The following TMEM63C variants were observed in gnomAD, a reference collection of about 807,000 sequenced individuals.
TMEM63C encodes transmembrane protein 63C, also known as osmosensitive cation channel TMEM63C.
Under a neutral mutation model 99.2 loss-of-function variants are expected in TMEM63C, and 32 were observed. The ratio of observed to expected loss-of-function variants is 0.32; its 90% CI spans 0.24 to 0.43. TMEM63C has a LOEUF of 0.43. Ranked by LOEUF, TMEM63C falls within the 20% of genes least tolerant of loss-of-function variation. TMEM63C has a pLI of 1.00. For synonymous variants in TMEM63C, 376 were observed against 397.9 expected, an observed-to-expected ratio of 0.94 and a Z score of 0.66; for missense variants, 826 against 1,053.0, an observed-to-expected ratio of 0.78 and a Z score of 2.98.
chr14:77,233,359 C>T (rs1485387767), intron 7 of TMEM63C, 93 bp from the exon 8 acceptor site: 4 of 1,337,092 alleles, frequency 3.0e-6, no homozygotes, highest in Non-Finnish European at 4.2e-6. Flanking sequence ...CAAGCATCTC[C>T]AGACCCCACG....
chr14:77,197,610 T>C (rs888596902), intron 1 of TMEM63C, among the ~76,000 whole-genome samples: 1 of 152,206 alleles, frequency 6.6e-6, no homozygotes, highest in Non-Finnish European at 1.5e-5. Context: ...GCTTAACACA[T>C]TAGATCCGAT....
At chr14:77,245,075 A>G (rs771654014) in intron 16 of TMEM63C, among the ~76,000 whole-genome samples, 1 of 152,252 alleles carries the variant, frequency 6.6e-6, no homozygotes, top group African/African-American at 2.4e-5. Flanking sequence ...AGTTCCTACT[A>G]TTCCACCAGG....
Position 77,231,590 on chromosome 14 carries a change from A to G in TMEM63C, c.353A>G (p.Asp118Gly). 1 of 1,551,434 alleles carries G rather than the reference A, an allele frequency of 6.4e-7. No individual in the cohort carries two copies. Among genetic ancestry groups the G allele is most frequent in the East Asian group, 2.4e-5 (1 of 40,912 alleles). ...CCTTGTCTGTGTGTCTCTTCCAGGG[A>G]CGAGGATCTGATTAACAAGTGTGGG... is the stretch of plus-strand genomic sequence containing the variant. ...SWFFNSITMKDEDLINKCGDD... is the reference protein window; with the variant it reads ...SWFFNSITMKGEDLINKCGDD... Residue 118 changes from aspartate to glycine, a missense_variant and splice_region_variant, in exon 7 of 24, where the codon GAC becomes GGC. Transcript: ENST00000298351.
At chr14:77,232,731 A>G (rs1438464623) in intron 7 of TMEM63C, among the ~76,000 whole-genome samples, 2 of 152,242 alleles carry the variant, frequency 1.3e-5, no homozygotes, top group Non-Finnish European at 2.9e-5. Context: ...AATAGCAGCT[A>G]GTATTTCATT....
At chr14:77,220,224 G>C in intron 5 of TMEM63C, 137 bp downstream of exon 5, 1 of 781,868 alleles carries the variant, frequency 1.3e-6, no homozygotes, top group East Asian at 2.7e-5. Flanking sequence ...GTGTGACCTT[G>C]AGCAAATTCC....
chr14:77,242,604 A>G, intron 14 of TMEM63C, 135 bp downstream of exon 14: 1 of 1,250,206 alleles, frequency 8.0e-7, no homozygotes. Flanking sequence ...TCTCCTAAGC[A>G]CCACAACCTG....
At chr14:77,196,682 T>A (rs2140094316) in intron 1 of TMEM63C, among the ~76,000 whole-genome samples, 1 of 152,340 alleles carries the variant, frequency 6.6e-6, no homozygotes, top group Admixed American at 6.5e-5. Context: ...ACAGATGGTA[T>A]CTTCATAGAC....
In TMEM63C at chr14:77,253,484, G is replaced by GGAAGGAGAT. The variant is rs538116122; in HGVS notation, c.2220+110_2220+118dup. On this transcript the variant is annotated intron_variant, in intron 23 of 23. Transcript: ENST00000298351. ...GCTTTGCTGCCCACTCTGGGTATGGGGAAGGAGATGGGGGACCCCTGGGCT... is the reference window on the plus strand; with the variant it reads ...GCTTTGCTGCCCACTCTGGGTATGGGGAAGGAGATGAAGGAGATGGGGGACCCCTGGGCT... 6.5e-4 allele frequency: 742 copies of GGAAGGAGAT among 1,138,040 alleles called. 11 individuals carry two copies. In the South Asian group the frequency reaches 9.3e-3, roughly 14 times the overall value. 70.5% of individuals were successfully genotyped at this position (1,138,040 alleles called of 1,614,324 possible).
At chr14:77,250,125 G>A (rs537293884) in intron 21 of TMEM63C, among the ~76,000 whole-genome samples, 248 of 152,282 alleles carry the variant, frequency 1.6e-3, no homozygotes, top group African/African-American at 5.8e-3. Context: ...GTAAGCCGCC[G>A]GTGCCTAGTG....
intron 1 of TMEM63C, among the ~76,000 whole-genome samples, chr14:77,183,816 A>G (rs1323107701): frequency 1.3e-5 from 2 of 152,062 alleles, no homozygotes; most frequent in African/African-American, 4.8e-5. Context: ...TTCCCAGTAA[A>G]CCAGATGAGA....
At chr14:77,211,718 C>T (rs1343374933) in intron 1 of TMEM63C, among the ~76,000 whole-genome samples, 1 of 152,160 alleles carries the variant, frequency 6.6e-6, no homozygotes, top group African/African-American at 2.4e-5. Flanking sequence ...TGCCCAGTTG[C>T]CAAAGACAAC....
rs1419316582 is a variant in TMEM63C, at chr14:77,258,165, A to G, written c.*1439A>G. On this transcript the variant is annotated 3_prime_UTR_variant, in exon 24 of 24. Coordinates refer to ENST00000298351, the MANE Select transcript of TMEM63C (RefSeq NM_020431.4). ...GGCCTCAATGAACCAGAACAAGCCA[A>G]GCTGAATGGGGTCTGTGTGCTCCAG... is the stretch of plus-strand genomic sequence containing the variant. 1 of 152,536 alleles carries G rather than the reference A, an allele frequency of 6.6e-6. No individual in the cohort carries two copies. Among genetic ancestry groups the G allele is most frequent in the Non-Finnish European group, 1.5e-5 (1 of 68,296 alleles). The allele number at this position is 152,536 out of a possible 1,614,324, so 9.4% of individuals were successfully genotyped here.
At chr14:77,242,639 C>T (rs1006966934) in intron 14 of TMEM63C, among the ~76,000 whole-genome samples, 170 bp downstream of exon 14, 1 of 152,228 alleles carries the variant, frequency 6.6e-6, no homozygotes, top group African/African-American at 2.4e-5. Context: ...CTCATTCCCA[C>T]AAGTGTGGGT....
chr14:77,241,962 C>G (rs1450031909), intron 13 of TMEM63C, among the ~76,000 whole-genome samples: 1 of 152,218 alleles, frequency 6.6e-6, no homozygotes, highest in African/African-American at 2.4e-5. Flanking sequence ...GTCAAGCACA[C>G]AGAAAGAACT....
Position 77,215,614 on chromosome 14 carries a change from A to AAAAAGAAAAGAAAAGAAAAG in TMEM63C, c.-14+2125_-14+2126insGAAAAGAAAAGAAAAGAAAA, listed in dbSNP as rs59134916. The stretch of plus-strand genomic sequence containing the variant: ...AGACTCTGTCTCAAAAAAAAAAAAA[A>AAAAAGAAAAGAAAAGAAAAG]AAAAGAAAAGAAAAGAAAAAGAAAC... On this transcript the variant is annotated intron_variant, in intron 2 of 23. Transcript: ENST00000298351. 4.7e-3 allele frequency among the ~76,000 whole-genome samples: 359 copies of AAAAAGAAAAGAAAAGAAAAG among 76,484 alleles called. 9 individuals are homozygous for AAAAAGAAAAGAAAAGAAAAG. Among genetic ancestry groups the AAAAAGAAAAGAAAAGAAAAG allele is most frequent in the Middle Eastern group, 0.018 (2 of 112 alleles). 50.2% of individuals were successfully genotyped at this position (76,484 alleles called of 152,430 possible).
intron 2 of TMEM63C, among the ~76,000 whole-genome samples, chr14:77,214,322 C>T (rs1385370156): frequency 6.6e-6 from 1 of 152,082 alleles, no homozygotes; most frequent in East Asian, 1.9e-4. Flanking sequence ...TGCTCAAGGT[C>T]ACCCGATGAG....
At position 77,253,719 on chromosome 14, in the gene TMEM63C, G is replaced by A. The variant is rs145239440; in HGVS notation, c.2220+343G>A. ...CTGAGGATTGGCCTCGGGACCAAAGGCTGCCCCTGAGGCACAGGTGCAGGC... is the reference window on the plus strand; with the variant it reads ...CTGAGGATTGGCCTCGGGACCAAAGACTGCCCCTGAGGCACAGGTGCAGGC... On this transcript the variant is annotated intron_variant, in intron 23 of 23. Transcript: ENST00000298351. Among the ~76,000 whole-genome samples, 654 of 152,354 alleles carry A rather than the reference G, an allele frequency of 4.3e-3. 5 individuals carry two copies. The highest frequency in any genetic ancestry group is 0.015 in the African/African-American group (622 of 41,586).
rs1028840171 is a variant in TMEM63C, at chr14:77,181,888, C to A, written c.-83C>A. 2 of 132,298 alleles carry A rather than the reference C, an allele frequency of 1.5e-5. No individual in the cohort carries two copies. Among genetic ancestry groups the A allele is most frequent in the African/African-American group, 5.0e-5 (2 of 39,764 alleles). 8.2% of individuals were successfully genotyped at this position (132,298 alleles called of 1,614,324 possible). A position where few individuals can be genotyped will look rare whatever the true frequency, so the allele number is the denominator to read the frequency against. Reference sequence around the variant, plus strand: ...GGGGCTGGGGCCGCGGTGCTGAGGACGCAAATGTGGTGAGCACGCGATGCG... The same window carrying A: ...GGGGCTGGGGCCGCGGTGCTGAGGAAGCAAATGTGGTGAGCACGCGATGCG... On this transcript the variant is annotated 5_prime_UTR_variant, in exon 1 of 24. Coordinates refer to ENST00000298351, the MANE Select transcript of TMEM63C (RefSeq NM_020431.4).
chr14:77,188,168 C>A (rs906343511), intron 1 of TMEM63C, among the ~76,000 whole-genome samples: 3 of 152,142 alleles, frequency 2.0e-5, no homozygotes, highest in African/African-American at 7.2e-5. Flanking sequence ...ATGCTACCTC[C>A]TTGATGAAGC....
Sources: allele counts gnomAD v4.1 joint callset (sites outside exome capture counted in the v4.1 genomes callset), GRCh38; gene constraint gnomAD v4.1.1; transcripts MANE v1.5; gene names NCBI Gene and HGNC (gene_info 2026-07-23, HGNC 2026-07-21).